Variants in MYO7A observed in about 807,000 individuals in gnomAD.
The protein encoded by MYO7A is unconventional myosin-VIIa.
Under a neutral mutation model 263.8 loss-of-function variants are expected in MYO7A, and 210 were observed. The ratio of observed to expected loss-of-function variants is 0.80; its 90% CI spans 0.71 to 0.89. MYO7A has a LOEUF of 0.89. Among genes scored for constraint, MYO7A ranks in the 40% least tolerant of loss-of-function variants. The pLI, the probability that MYO7A is intolerant of heterozygous loss-of-function variation, is 0.00. For synonymous variants in MYO7A, 1,239 were observed against 1,197.3 expected, an observed-to-expected ratio of 1.03 and a Z score of -0.72; for missense variants, 2,820 against 2,968.3, an observed-to-expected ratio of 0.95 and a Z score of 1.16.
intron 30 of MYO7A, 138 bp from the exon 31 acceptor site, chr11:77,191,913 G>A: frequency 1.4e-6 from 1 of 689,716 alleles, no homozygotes; most frequent in South Asian, 1.9e-5. Flanking sequence ...AATCTGGTCT[G>A]CCTCCTGGGG....
rs1347804718 is a variant in MYO7A, at chr11:77,208,471, T to C, written c.5898T>C (p.Val1966=). 2 of 1,613,694 alleles carry C rather than the reference T, an allele frequency of 1.2e-6. No individual in the cohort carries two copies. Among genetic ancestry groups the C allele is most frequent in the Non-Finnish European group, 8.5e-7 (1 of 1,179,828 alleles). ...AGAATGACTTCTTCTTTGACTTTGT[T>C]CGACACTTGACAGACTGGATAAAGA... The part of the protein sequence containing the change: ...VPENDFFFDF[V]RHLTDWIKKA... Residue 1966 remains valine, a synonymous_variant, in exon 43 of 49, where the codon GTT becomes GTC. Coordinates refer to ENST00000409709, the MANE Select transcript of MYO7A (RefSeq NM_000260.4).
intron 3 of MYO7A, among the ~76,000 whole-genome samples, chr11:77,145,898 T>C (rs1324871260): frequency 6.6e-6 from 1 of 152,146 alleles, no homozygotes; most frequent in Non-Finnish European, 1.5e-5. Flanking sequence ...AATGGGGGAC[T>C]TCTGGGGTCT....
chr11:77,204,066 C>A lies in MYO7A; in HGVS notation c.5327-10C>A. The A allele has an allele frequency of 6.3e-7, 1 of 1,593,674 alleles. No individual in the cohort carries two copies. Among genetic ancestry groups the A allele is most frequent in the African/African-American group, 1.3e-5 (1 of 74,476 alleles). Reference sequence around the variant, plus strand: ...CTATTCGGCACAAGCCCTTCCTTGACAGTCCCCAGCTGTGCTCAAGTACAT... The same window carrying A: ...CTATTCGGCACAAGCCCTTCCTTGAAAGTCCCCAGCTGTGCTCAAGTACAT... On this transcript the variant is annotated splice_polypyrimidine_tract_variant and intron_variant, in intron 38 of 48. Transcript: ENST00000409709.
At position 77,177,628 on chromosome 11, in the gene MYO7A, G is replaced by C; in HGVS notation, c.2267G>C (p.Arg756Pro). 6.2e-7 allele frequency: 1 copy of C among 1,610,120 alleles called. No individual in the cohort carries two copies. Among genetic ancestry groups the C allele is most frequent in the Non-Finnish European group, 8.5e-7 (1 of 1,178,486 alleles). The part of the protein sequence containing the change: ...DRVILLQKVI[R>P]GFKDRSNFLK... ...GTCATCCTCCTTCAGAAAGTCATCC[G>C]GGGATTCAAAGACAGGTGCGTGTTC... The change falls in exon 19 of 49, where the codon CGG becomes CCG. Residue 756 changes from arginine to proline, a missense_variant. Transcript: ENST00000409709.
chr11:77,151,128 C>T (rs1442209897), intron 4 of MYO7A, among the ~76,000 whole-genome samples: 3 of 152,246 alleles, frequency 2.0e-5, no homozygotes, highest in African/African-American at 7.2e-5. Context: ...CAGCCCCAGC[C>T]ACTCCAGAAT....
chr11:77,202,981 T>C (rs531052759), intron 37 of MYO7A, 79 bp from the exon 38 acceptor site: 1 of 1,372,696 alleles, frequency 7.3e-7, no homozygotes, highest in African/African-American at 2.4e-5. Context: ...TGGGTGGGGG[T>C]GGGGGTCTCA....
intron 3 of MYO7A, among the ~76,000 whole-genome samples, chr11:77,147,031 C>T (rs539311616): frequency 2.0e-5 from 3 of 152,264 alleles, no homozygotes; most frequent in African/African-American, 7.2e-5. Flanking sequence ...CTTCAGCTCA[C>T]ACGTCCCAAG....
In MYO7A at chr11:77,157,373, A is replaced by G. The variant is rs1555064220; in HGVS notation, c.830A>G (p.Asp277Gly). ...AAGCTGGGCTTGGGCCAGGCCTCTG[A>G]CTACAACTACTTGGCCATGGTGAGG... ...KKKLGLGQAS[D>G]YNYLAMGNCI... Residue 277 changes from aspartate to glycine, a missense_variant, in exon 8 of 49, where the codon GAC becomes GGC. Physicochemically the swap from Asp to Gly is moderately conservative, Grantham distance 94 (BLOSUM62 -1). Transcript: ENST00000409709. The G allele has an allele frequency of 6.2e-7, 1 of 1,607,892 alleles. No individual in the cohort carries two copies. Among genetic ancestry groups the G allele is most frequent in the South Asian group, 1.1e-5 (1 of 89,634 alleles).
chr11:77,135,772 C>T (rs1441825982), intron 2 of MYO7A, among the ~76,000 whole-genome samples: 2 of 151,986 alleles, frequency 1.3e-5, no homozygotes, highest in Non-Finnish European at 1.5e-5. Context: ...TTTGTAATAG[C>T]CATCCTAATG....
intron 2 of MYO7A, 21 bp downstream of exon 2, chr11:77,130,673 G>A (rs782511469): frequency 6.2e-7 from 1 of 1,612,296 alleles, no homozygotes; most frequent in Non-Finnish European, 8.5e-7. Context: ...CCACCTCTTT[G>A]GGTGGCCTGT....
Position 77,214,752 on chromosome 11 carries a change from G to T in MYO7A, c.*56G>T. ...TGCTCTCGAGGCAGCAGTGGGTTCAGGCCCATCAGCTACCCCTGCAGCTGG... is the reference window on the plus strand; with the variant it reads ...TGCTCTCGAGGCAGCAGTGGGTTCATGCCCATCAGCTACCCCTGCAGCTGG... On this transcript the variant is annotated 3_prime_UTR_variant, in exon 49 of 49. Transcript: ENST00000409709. 1 of 1,390,640 alleles carries T rather than the reference G, an allele frequency of 7.2e-7. No individual in the cohort carries two copies. The highest frequency in any genetic ancestry group is 1.0e-6 in the Non-Finnish European group (1 of 1,004,700). The allele number at this position is 1,390,640 out of a possible 1,614,324, so 86.1% of individuals were successfully genotyped here. A position where few individuals can be genotyped will look rare whatever the true frequency, so the allele number is the denominator to read the frequency against.
chr11:77,166,604 G>A (rs79122000), intron 15 of MYO7A, among the ~76,000 whole-genome samples: 4,446 of 152,246 alleles, frequency 0.029, 74 homozygotes, highest in Middle Eastern at 0.058. Context: ...AGCCCCCTCC[G>A]CCTTTCCTTA....
chr11:77,184,695 C>T lies in MYO7A; in HGVS notation c.3483C>T (p.Gly1161=). The part of the protein sequence containing the change: ...LEKLHFIIGN[G]ILRPALRDEI... ...AGCTGCACTTCATCATCGGCAATGGCATCCTGCGGCCAGCACTCCGGTCAG... is the reference window on the plus strand; with the variant it reads ...AGCTGCACTTCATCATCGGCAATGGTATCCTGCGGCCAGCACTCCGGTCAG... Residue 1161 remains glycine (G), a synonymous_variant, in exon 27 of 49, where the codon GGC becomes GGT. Coordinates refer to ENST00000409709, the MANE Select transcript of MYO7A (RefSeq NM_000260.4). The T allele has an allele frequency of 6.2e-7, 1 of 1,600,112 alleles. No homozygotes were observed. The highest frequency in any genetic ancestry group is 8.5e-7 in the Non-Finnish European group (1 of 1,173,008).
chr11:77,139,500 C>A (rs1231453598), intron 2 of MYO7A: 6 of 152,140 alleles, frequency 3.9e-5, no homozygotes, highest in African/African-American at 1.4e-4. Flanking sequence ...AAGCAAGGCG[C>A]CCCATACAGT....
chr11:77,131,341 G>A (rs1190183288), intron 2 of MYO7A, among the ~76,000 whole-genome samples: 1 of 152,250 alleles, frequency 6.6e-6, no homozygotes, highest in Non-Finnish European at 1.5e-5. Flanking sequence ...AGGGTCACCA[G>A]AGGCCAATGG....
intron 15 of MYO7A, among the ~76,000 whole-genome samples, chr11:77,170,082 T>C (rs1953942866): frequency 6.6e-6 from 1 of 151,994 alleles, no homozygotes; most frequent in Non-Finnish European, 1.5e-5. Flanking sequence ...AAAATAATAG[T>C]AAATAGATAG....
chr11:77,203,929 G>A, intron 38 of MYO7A, 147 bp from the exon 39 acceptor site: 1 of 870,800 alleles, frequency 1.1e-6, no homozygotes. Flanking sequence ...GAGAGGGTGG[G>A]GCAGATCATG....
Position 77,147,851 on chromosome 11 carries a change from G to T in MYO7A, c.186G>T (p.Thr62=). Residue 62 remains threonine, a synonymous_variant, in exon 4 of 49, where the codon ACG becomes ACT. Transcript: ENST00000409709. The stretch of plus-strand genomic sequence containing the variant: ...CGCACATCAAGCCTATGCACCCCAC[G>T]TCGGTCCACGGCGTGGAGGACATGA... The part of the protein sequence containing the change: ...NATHIKPMHP[T]SVHGVEDMIR... 1 of 1,609,254 alleles carries T rather than the reference G, an allele frequency of 6.2e-7. No homozygotes were observed. Among genetic ancestry groups the T allele is most frequent in the Non-Finnish European group, 8.5e-7 (1 of 1,178,480 alleles).
chr11:77,191,024 G>A, intron 30 of MYO7A, 154 bp downstream of exon 30: 1 of 873,340 alleles, frequency 1.1e-6, no homozygotes, highest in South Asian at 2.0e-5. Flanking sequence ...TGACTCCTCA[G>A]GACTGCCGAG....
Sources: gnomAD v4.1 joint callset for allele counts (sites outside exome capture counted in the v4.1 genomes callset) on GRCh38, gnomAD v4.1.1 for gene constraint, MANE v1.5 for transcripts, NCBI Gene and HGNC (gene_info 2026-07-23, HGNC 2026-07-21) for gene names.